ELP3: variants seen among roughly 807,000 people sequenced by gnomAD.
ELP3 encodes the protein elongator acetyltransferase complex subunit 3.
ELP3 carries 56 observed loss-of-function variants against 74.9 expected under a neutral mutation model. The observed-to-expected ratio is 0.75, with a 90% CI of 0.60 to 0.93. The LOEUF (loss-of-function observed/expected upper bound fraction) is 0.93, where lower values mean the gene tolerates loss of function less well. ELP3 is among the 40% of genes least tolerant of loss of function. The pLI, the probability that ELP3 is intolerant of heterozygous loss-of-function variation, is 0.00. For missense variants in ELP3, 573 were observed against 686.5 expected (o/e 0.83, Z 1.85); for synonymous variants, 222 against 239.8 (o/e 0.93, Z 0.68).
chr8:28,178,324 A>G (rs1008103642), intron 14 of ELP3, among the ~76,000 whole-genome samples: 2 of 152,230 alleles, frequency 1.3e-5, no homozygotes, highest in African/African-American at 4.8e-5. Flanking sequence ...TTATGTCAAT[A>G]ACCAGCATCC....
chr8:28,100,525 G>A (rs1203440469), intron 3 of ELP3, among the ~76,000 whole-genome samples: 2 of 152,248 alleles, frequency 1.3e-5, no homozygotes, highest in African/African-American at 4.8e-5. Flanking sequence ...CGTGGTGCAC[G>A]CAGGAAATAG....
intron 14 of ELP3, among the ~76,000 whole-genome samples, chr8:28,179,373 A>G (rs567637866): frequency 5.1e-4 from 77 of 152,210 alleles, no homozygotes; most frequent in Non-Finnish European, 1.0e-3. Flanking sequence ...TTTTCTTTAT[A>G]CCTTTAGTTG....
At chr8:28,095,360 A>G (rs901728168) in intron 1 of ELP3, among the ~76,000 whole-genome samples, 1 of 152,204 alleles carries the variant, frequency 6.6e-6, no homozygotes, top group Non-Finnish European at 1.5e-5. Context: ...GAACCTCAAT[A>G]TATAAACAGC....
chr8:28,114,905 C>G (rs1812064821), intron 7 of ELP3, among the ~76,000 whole-genome samples: 1 of 151,938 alleles, frequency 6.6e-6, no homozygotes, highest in South Asian at 2.1e-4. Flanking sequence ...TAGAGGAGTA[C>G]CAGGGTGAAA....
At chr8:28,171,536 G>A (rs1050602617) in intron 14 of ELP3, among the ~76,000 whole-genome samples, 3 of 152,080 alleles carry the variant, frequency 2.0e-5, no homozygotes, top group Admixed American at 6.6e-5. Flanking sequence ...TTGTTGAGTT[G>A]TAGGAGTTCT....
chr8:28,184,121 T>C lies in ELP3; in HGVS notation c.1568-5528T>C, dbSNP rs1439514872. Among the ~76,000 whole-genome samples the C allele has an allele frequency of 2.0e-5, 3 of 152,200 alleles. No homozygotes were observed. In the East Asian group the frequency reaches 5.8e-4, roughly 29 times the overall value. On this transcript the variant is annotated intron_variant, in intron 14 of 14. Coordinates refer to ENST00000256398, the MANE Select transcript of ELP3 (RefSeq NM_018091.6). The stretch of plus-strand genomic sequence containing the variant: ...GGTGGCTAAGTGCAGGGGTAATGCC[T>C]TTCCCAACCTGTTCTGCAGGTTGTA...
At chr8:28,175,810 CTTTT>C (rs56901616) in intron 14 of ELP3, among the ~76,000 whole-genome samples, 1 of 78,248 alleles carries the variant, frequency 1.3e-5, no homozygotes, top group African/African-American at 5.1e-5. Context: ...TGTCTAGTGA[CTTTT>C]TTTTTTTTTT....
At chr8:28,168,992 A>G (rs770518889) in intron 14 of ELP3, among the ~76,000 whole-genome samples, 1 of 152,208 alleles carries the variant, frequency 6.6e-6, no homozygotes, top group East Asian at 1.9e-4. Flanking sequence ...GAACACATGC[A>G]AGGAATTTCT....
intron 10 of ELP3, among the ~76,000 whole-genome samples, chr8:28,139,196 G>T (rs1813120663): frequency 6.6e-6 from 1 of 152,220 alleles, no homozygotes; most frequent in African/African-American, 2.4e-5. Flanking sequence ...TCCTCTAGGG[G>T]TGGGTTGGGG....
chr8:28,190,121 C>T lies in ELP3; in HGVS notation c.*396C>T, dbSNP rs1815401713. On this transcript the variant is annotated 3_prime_UTR_variant, in exon 15 of 15. Coordinates refer to ENST00000256398, the MANE Select transcript of ELP3 (RefSeq NM_018091.6). ...AACTTAAGAGTAGTTTATTTATATA[C>T]CCTGGGGACAGAAAGTCAGGTTGAA... The T allele has an allele frequency of 6.2e-6, 1 of 162,028 alleles. No homozygotes were observed. Among genetic ancestry groups the T allele is most frequent in the African/African-American group, 2.4e-5 (1 of 41,602 alleles). The allele number at this position is 162,028 out of a possible 1,614,324, so 10.0% of individuals were successfully genotyped here.
chr8:28,131,117 G>A (rs1356683781), intron 8 of ELP3, among the ~76,000 whole-genome samples: 4 of 152,178 alleles, frequency 2.6e-5, no homozygotes, highest in African/African-American at 9.7e-5. Flanking sequence ...CTGATGTCCT[G>A]GAAAGAAGTG....
chr8:28,113,431 A>G (rs1811999200), intron 7 of ELP3, among the ~76,000 whole-genome samples: 2 of 32,054 alleles, frequency 6.2e-5, no homozygotes, highest in Non-Finnish European at 9.5e-5. Flanking sequence ...GTATTCTCAA[A>G]TAGAGAGATT....
At chr8:28,093,051 G>A (rs1811102787), upstream of ELP3, 1 of 1,152,044 alleles carries the variant, frequency 8.7e-7, no homozygotes. Context: ...TGCAACACGG[G>A]GCGGGGCGTG....
intron 6 of ELP3, 120 bp downstream of exon 6, chr8:28,110,558 A>G: frequency 1.1e-6 from 1 of 870,476 alleles, no homozygotes; most frequent in Non-Finnish European, 1.8e-6. Flanking sequence ...TCCTCTTTGT[A>G]AGTTTTCAAT....
chr8:28,182,736 T>G (rs1036177853), intron 14 of ELP3, among the ~76,000 whole-genome samples: 4 of 152,224 alleles, frequency 2.6e-5, no homozygotes, highest in African/African-American at 9.6e-5. Flanking sequence ...GCATATGCAT[T>G]GCCTGTGATT....
At position 28,147,244 on chromosome 8, in the gene ELP3, G is replaced by A. The variant is rs1265098654; in HGVS notation, c.1101-8698G>A. 6.6e-6 allele frequency among the ~76,000 whole-genome samples: 1 copy of A among 152,112 alleles called. No individual in the cohort carries two copies. Among genetic ancestry groups the A allele is most frequent in the Non-Finnish European group, 1.5e-5 (1 of 68,014 alleles). ...TACCAGTTTGTTATTAAAAATATTT[G>A]TAGAGATCATCTCCCCTTACCTTCC... On this transcript the variant is annotated intron_variant, in intron 10 of 14. Coordinates refer to ENST00000256398, the MANE Select transcript of ELP3 (RefSeq NM_018091.6). The surrounding 1 kb of genome is among the most constrained non-coding windows in gnomAD (Gnocchi z 4.5).
intron 9 of ELP3, among the ~76,000 whole-genome samples, chr8:28,135,341 CTTCT>C (rs1812944409): frequency 6.6e-6 from 1 of 152,320 alleles, no homozygotes; most frequent in African/African-American, 2.4e-5. Context: ...GCAATAAGCG[CTTCT>C]TTCTTTATGG....
Position 28,137,761 on chromosome 8 carries a change from C to A in ELP3, c.970C>A (p.Arg324Ser), listed in dbSNP as rs749474343. 6.2e-7 allele frequency: 1 copy of A among 1,614,070 alleles called. No individual in the cohort carries two copies. Among genetic ancestry groups the A allele is most frequent in the Non-Finnish European group, 8.5e-7 (1 of 1,180,012 alleles). The change falls in exon 10 of 15, where the codon CGT becomes AGT. Residue 324 changes from arginine to serine, a missense_variant. Physicochemically the swap from Arg to Ser is moderately radical, Grantham distance 110. Transcript: ENST00000256398. The stretch of plus-strand genomic sequence containing the variant: ...GAAACTCTATCCTACCCTGGTGATT[C>A]GTGGGACCGGGCTTTATGAGCTTTG... ...GLKLYPTLVI[R>S]GTGLYELWKS... is the part of the protein sequence containing the mutation.
At chr8:28,178,735 A>AAAGT (rs1240334459) in intron 14 of ELP3, among the ~76,000 whole-genome samples, 5 of 152,356 alleles carry the variant, frequency 3.3e-5, no homozygotes, top group Non-Finnish European at 7.3e-5. Context: ...GTGGCTTTCT[A>AAAGT]AAGTGCTTCT....
Sources: allele counts gnomAD v4.1 joint callset (sites outside exome capture counted in the v4.1 genomes callset), GRCh38; gene constraint gnomAD v4.1.1; non-coding constraint Gnocchi (gnomAD v3.1); transcripts MANE v1.5; gene names NCBI Gene and HGNC (gene_info 2026-07-23, HGNC 2026-07-21).